Variants in PRKDC observed in about 807,000 individuals in gnomAD.
PRKDC encodes protein kinase, DNA-activated, catalytic subunit.
A neutral mutation model predicts 486.9 loss-of-function variants in PRKDC; 82 were observed. The ratio of observed to expected loss-of-function variants is 0.17; its 90% confidence interval spans 0.14 to 0.20. The LOEUF (loss-of-function observed/expected upper bound fraction) is 0.20, where lower values mean the gene tolerates loss of function less well. Among genes scored for constraint, PRKDC ranks in the 10% least tolerant of loss-of-function variants. The probability of loss-of-function intolerance (pLI) is 1.00; values close to 1 mark genes in which losing one functional copy is unlikely to be tolerated. For synonymous variants in PRKDC, 1,895 were observed against 1,837.0 expected, an observed-to-expected ratio of 1.03 and a Z score of -0.81; for missense variants, 4,504 against 5,038.2, an observed-to-expected ratio of 0.89 and a Z score of 3.21.
chr8:47,824,261 GTCAGGAGT>G (rs1289227617), intron 63 of PRKDC, among the ~76,000 whole-genome samples: 1 of 152,046 alleles, frequency 6.6e-6, no homozygotes, highest in Non-Finnish European at 1.5e-5. Context: ...CTCACCTGAG[GTCAGGAGT>G]TCAGATCAGC....
At chr8:47,952,923 T>C (rs2090649169) in intron 7 of PRKDC, among the ~76,000 whole-genome samples, 2 of 151,692 alleles carry the variant, frequency 1.3e-5, no homozygotes, top group Admixed American at 1.3e-4. Context: ...GCAGATCATT[T>C]GAGGTCAGGA....
At chr8:47,806,058 T>G (rs1180657264) in intron 69 of PRKDC, among the ~76,000 whole-genome samples, 2 of 152,126 alleles carry the variant, frequency 1.3e-5, no homozygotes, top group Non-Finnish European at 2.9e-5. Context: ...CATGTCCAAA[T>G]CCTTCCATGC....
intron 30 of PRKDC, 147 bp downstream of exon 30, chr8:47,897,014 C>A: frequency 2.3e-6 from 2 of 881,810 alleles, no homozygotes; most frequent in East Asian, 5.0e-5. Flanking sequence ...AACAGAACTG[C>A]ATTACCTCAT....
chr8:47,871,116 A>T (rs1172059120), intron 40 of PRKDC, among the ~76,000 whole-genome samples: 1 of 152,208 alleles, frequency 6.6e-6, no homozygotes, highest in Non-Finnish European at 1.5e-5. Context: ...CAAATCAAAG[A>T]CTTACTGGTC....
chr8:47,946,210 A>G (rs918903285), intron 7 of PRKDC, among the ~76,000 whole-genome samples: 1 of 152,018 alleles, frequency 6.6e-6, no homozygotes, highest in African/African-American at 2.4e-5. Context: ...GCATACCGGT[A>G]ATCCCAGCTA....
intron 16 of PRKDC, among the ~76,000 whole-genome samples, chr8:47,931,020 G>C (rs1202596446): frequency 6.6e-6 from 1 of 152,200 alleles, no homozygotes; most frequent in East Asian, 1.9e-4. Flanking sequence ...GGACAAATAG[G>C]AAAATGCCAG....
At chr8:47,842,311 G>C (rs2088166890) in intron 54 of PRKDC, among the ~76,000 whole-genome samples, 1 of 152,156 alleles carries the variant, frequency 6.6e-6, no homozygotes, top group African/African-American at 2.4e-5. Flanking sequence ...TGTAATCTAA[G>C]AGTCTATCTG....
At chr8:47,810,325 C>T (rs1177508365) in intron 68 of PRKDC, among the ~76,000 whole-genome samples, 1 of 152,200 alleles carries the variant, frequency 6.6e-6, no homozygotes, top group Non-Finnish European at 1.5e-5. Context: ...TTATAGTATA[C>T]TGTTTGAATT....
chr8:47,907,331 C>T (rs1168005111), intron 25 of PRKDC, among the ~76,000 whole-genome samples: 2 of 147,810 alleles, frequency 1.4e-5, no homozygotes, highest in African/African-American at 2.4e-5. Flanking sequence ...TGAGCCACCG[C>T]GCCTGGCCAA....
At chr8:47,942,488 T>C (rs923590447) in intron 10 of PRKDC, among the ~76,000 whole-genome samples, 2 of 152,232 alleles carry the variant, frequency 1.3e-5, no homozygotes, top group African/African-American at 4.8e-5. Flanking sequence ...ACATCCCGGC[T>C]GTGACTCTCA....
chr8:47,899,835 CATAGA>C (rs1402937503), intron 28 of PRKDC, among the ~76,000 whole-genome samples: 1 of 152,180 alleles, frequency 6.6e-6, no homozygotes, highest in Non-Finnish European at 1.5e-5. Context: ...TAGCTTCTTG[CATAGA>C]ATTTAATTGT....
intron 50 of PRKDC, 106 bp from the exon 51 acceptor site, chr8:47,854,320 G>T: frequency 1.5e-6 from 2 of 1,331,756 alleles, no homozygotes; most frequent in Non-Finnish European, 1.0e-6. Flanking sequence ...TCTGACTCTC[G>T]CCCAGGCTGG....
intron 31 of PRKDC, among the ~76,000 whole-genome samples, chr8:47,892,160 G>A (rs180705130): frequency 1.1e-3 from 161 of 152,178 alleles, no homozygotes; most frequent in South Asian, 3.7e-3. Flanking sequence ...GTGAGCCACC[G>A]CGTCCGGCCA....
At chr8:47,885,178 T>C (rs750442653) in intron 36 of PRKDC, among the ~76,000 whole-genome samples, 1 of 152,102 alleles carries the variant, frequency 6.6e-6, no homozygotes, top group Non-Finnish European at 1.5e-5. Context: ...TAAGACAGAG[T>C]CTCGCTTCAT....
intron 65 of PRKDC, among the ~76,000 whole-genome samples, chr8:47,821,363 T>C (rs955783248): frequency 3.3e-5 from 5 of 152,280 alleles, no homozygotes; most frequent in Non-Finnish European, 5.9e-5. Context: ...TGCTCCTATG[T>C]AGTCATACTA....
chr8:47,836,306 T>C lies in PRKDC; in HGVS notation c.7951+32A>G, dbSNP rs375979545. The stretch of plus-strand genomic sequence containing the variant: ...GCTGCCCACAGAGGTCAGGGTGCTG[T>C]ATACATGGCCAGCGGGCAGGGTCAC... On this transcript the variant is annotated intron_variant, in intron 58 of 85. Transcript: ENST00000314191. 3.1e-5 allele frequency: 47 copies of C among 1,516,456 alleles called. No homozygotes were observed. In the African/African-American group the frequency reaches 6.5e-4, roughly 21 times the overall value. The allele number at this position is 1,516,456 out of a possible 1,614,324, so 93.9% of individuals were successfully genotyped here.
At chr8:47,874,545 C>T (rs1202176613) in intron 40 of PRKDC, among the ~76,000 whole-genome samples, 3 of 152,162 alleles carry the variant, frequency 2.0e-5, no homozygotes, top group Non-Finnish European at 4.4e-5. Flanking sequence ...ATTGCCTGAG[C>T]TCAGGACTTT....
chr8:47,834,120 G>A, intron 59 of PRKDC, 76 bp downstream of exon 59: 1 of 1,550,130 alleles, frequency 6.5e-7, no homozygotes, highest in Non-Finnish European at 8.9e-7. Context: ...GATACAGTCA[G>A]AAATGTCCCC....
intron 52 of PRKDC, among the ~76,000 whole-genome samples, chr8:47,851,992 T>C (rs1037470345): frequency 1.3e-5 from 2 of 152,174 alleles, no homozygotes; most frequent in Non-Finnish European, 2.9e-5. Context: ...GGCATATGCC[T>C]GTAGTCCCAG....
Sources: allele counts gnomAD v4.1 joint callset (sites outside exome capture counted in the v4.1 genomes callset), GRCh38; gene constraint gnomAD v4.1.1; transcripts MANE v1.5; gene names NCBI Gene and HGNC (gene_info 2026-07-23, HGNC 2026-07-21).